ZDHHC13: variants seen among roughly 807,000 people sequenced by gnomAD.
ZDHHC13 encodes the protein palmitoyltransferase ZDHHC13.
ZDHHC13 carries 85 observed loss-of-function variants against 86.0 expected under a neutral mutation model. That is an observed-to-expected ratio of 0.99 (90% CI 0.83 to 1.18). The LOEUF (loss-of-function observed/expected upper bound fraction) is 1.18, where lower values mean the gene tolerates loss of function less well. ZDHHC13 is among the 50% of genes most tolerant of loss of function. ZDHHC13 has a pLI of 0.00. For missense variants in ZDHHC13, 711 were observed against 730.2 expected, an observed-to-expected ratio of 0.97 and a Z score of 0.30; for synonymous variants, 263 against 246.4, an observed-to-expected ratio of 1.07 and a Z score of -0.63.
intron 14 of ZDHHC13, chr11:19,169,071 T>C: frequency 1.0e-6 from 1 of 985,468 alleles, no homozygotes; most frequent in South Asian, 4.7e-5. Context: ...CTTGCTGTTG[T>C]ATCTTTGATA....
Position 19,176,180 on chromosome 11 carries a change from A to G in ZDHHC13, c.*220A>G, listed in dbSNP as rs996903013. Reference sequence around the variant, plus strand: ...AAATCTTGGCAGACATCTAAAAAAAAAACCATATTTTTCACAAGAAAATGC... The same window carrying G: ...AAATCTTGGCAGACATCTAAAAAAAGAACCATATTTTTCACAAGAAAATGC... On this transcript the variant is annotated 3_prime_UTR_variant, in exon 17 of 17. Transcript: ENST00000446113. The G allele has an allele frequency of 2.6e-6, 1 of 382,056 alleles. No individual in the cohort carries two copies. Among genetic ancestry groups the G allele is most frequent in the African/African-American group, 2.1e-5 (1 of 47,940 alleles). The allele number at this position is 382,056 out of a possible 1,614,324, so 23.7% of individuals were successfully genotyped here. A position where few individuals can be genotyped will look rare whatever the true frequency, so the allele number is the denominator to read the frequency against.
intron 1 of ZDHHC13, among the ~76,000 whole-genome samples, chr11:19,129,514 C>G (rs1848944163): frequency 6.6e-6 from 1 of 151,862 alleles, no homozygotes; most frequent in Admixed American, 6.6e-5. Context: ...ATGCTTTATT[C>G]TACTGTGATG....
rs1390911748 is a variant in ZDHHC13 at position 19,176,068 on chromosome 11, C to CA, written c.*109dup. ...GAATTCACCTAAGTCCAAAGGAAAA[C>CA]ACGTGGTTTTTAAAGCCATTAGGTA... is the stretch of plus-strand genomic sequence containing the variant. On this transcript the variant is annotated 3_prime_UTR_variant, in exon 17 of 17. Transcript: ENST00000446113. 7.7e-7 allele frequency: 1 copy of CA among 1,301,250 alleles called. No homozygotes were observed. The highest frequency in any genetic ancestry group is 2.7e-5 in the East Asian group (1 of 36,726). The allele number at this position is 1,301,250 out of a possible 1,614,324, so 80.6% of individuals were successfully genotyped here. A position where few individuals can be genotyped will look rare whatever the true frequency, so the allele number is the denominator to read the frequency against.
At chr11:19,133,974 A>G (rs1228340933) in intron 1 of ZDHHC13, among the ~76,000 whole-genome samples, 7 of 114,558 alleles carry the variant, frequency 6.1e-5, no homozygotes, top group Non-Finnish European at 3.9e-5. Flanking sequence ...TTCAGTCTTT[A>G]TAATAAATCA....
chr11:19,126,748 A>G (rs1428674685), intron 1 of ZDHHC13, among the ~76,000 whole-genome samples: 3 of 151,952 alleles, frequency 2.0e-5, no homozygotes, highest in Non-Finnish European at 4.4e-5. Context: ...CATAGGGGTA[A>G]TAGCCTCCAG....
At chr11:19,138,741 A>T (rs1849220654) in intron 1 of ZDHHC13, among the ~76,000 whole-genome samples, 1 of 151,874 alleles carries the variant, frequency 6.6e-6, no homozygotes, top group Non-Finnish European at 1.5e-5. Context: ...CATACCTGGG[A>T]TGCAAGGCTG....
intron 1 of ZDHHC13, among the ~76,000 whole-genome samples, chr11:19,137,820 A>G (rs1347661230): frequency 6.6e-6 from 1 of 152,268 alleles, no homozygotes; most frequent in Non-Finnish European, 1.5e-5. Context: ...TATTGGGTAC[A>G]TAACAAAATG....
At position 19,164,349 on chromosome 11, in the gene ZDHHC13, T is replaced by C. The variant is rs1590088810; in HGVS notation, c.1282T>C (p.Cys428Arg). 3 of 1,613,164 alleles carry C rather than the reference T, an allele frequency of 1.9e-6. No homozygotes were observed. The East Asian group carries it at 6.7e-5, about 36-fold the overall frequency. ...TGGCTCTCTGGACTTCAGAACATTT[T>C]GTACATCATGTCTTGTGAGTTTTTT... The part of the protein sequence containing the change: ...ETGSLDFRTF[C>R]TSCLIRKPLR... Residue 428 changes from cysteine to arginine, a missense_variant, in exon 12 of 17, where the codon TGT becomes CGT. Cys to Arg is a radical substitution (Grantham distance 180). Transcript: ENST00000446113.
chr11:19,165,044 C>A lies in ZDHHC13; in HGVS notation c.1297-8C>A, dbSNP rs761699006. On this transcript the variant is annotated splice_region_variant and splice_polypyrimidine_tract_variant and intron_variant, in intron 12 of 16. Coordinates refer to ENST00000446113, the MANE Select transcript of ZDHHC13 (RefSeq NM_019028.3). ...TTTTGCTTAGGCCTCTCTTAATTGC[C>A]CACTTAGATAAGGAAGCCATTAAGG... 5 of 1,610,600 alleles carry A rather than the reference C, an allele frequency of 3.1e-6. No homozygotes were observed. In the East Asian group the frequency reaches 1.1e-4, roughly 36 times the overall value.
chr11:19,149,280 A>G lies in ZDHHC13; in HGVS notation c.468A>G (p.Ala156=). The G allele has an allele frequency of 1.2e-6, 2 of 1,606,514 alleles. No homozygotes were observed. The highest frequency in any genetic ancestry group is 1.7e-6 in the Non-Finnish European group (2 of 1,175,676). ...AGGGATTCAGCAGCATCCACCTGGC[A>G]GTATTGTTTCAACACATGCCTATTA... ...DGEGFSSIHL[A]VLFQHMPIIA... is the part of the protein sequence containing the mutation. The change falls in exon 5 of 17, where the codon GCA becomes GCG. Residue 156 remains alanine (A), a synonymous_variant. Coordinates refer to ENST00000446113, the MANE Select transcript of ZDHHC13 (RefSeq NM_019028.3).
chr11:19,158,758 G>C (rs1487529391), intron 9 of ZDHHC13, among the ~76,000 whole-genome samples, 182 bp from the exon 10 acceptor site: 1 of 151,984 alleles, frequency 6.6e-6, no homozygotes, highest in Non-Finnish European at 1.5e-5. Context: ...GTGTAAAATG[G>C]GGGGATGATG....
At chr11:19,140,536 T>TA (rs1849283458) in intron 1 of ZDHHC13, among the ~76,000 whole-genome samples, 1 of 152,114 alleles carries the variant, frequency 6.6e-6, no homozygotes, top group African/African-American at 2.4e-5. Flanking sequence ...GAACTAGAAA[T>TA]ACCATTTGAC....
chr11:19,147,180 TC>T (rs1849488773), intron 3 of ZDHHC13, among the ~76,000 whole-genome samples: 1 of 152,188 alleles, frequency 6.6e-6, no homozygotes, highest in Admixed American at 6.5e-5. Flanking sequence ...TAAAATTCAT[TC>T]CCACATAGTA....
intron 1 of ZDHHC13, among the ~76,000 whole-genome samples, chr11:19,132,886 A>G (rs1474493818): frequency 6.6e-6 from 1 of 152,216 alleles, no homozygotes; most frequent in East Asian, 1.9e-4. Flanking sequence ...CAAGAAAGCA[A>G]GAGGTTAAGT....
chr11:19,154,825 T>C (rs1483936435), intron 8 of ZDHHC13, among the ~76,000 whole-genome samples: 1 of 152,178 alleles, frequency 6.6e-6, no homozygotes, highest in Non-Finnish European at 1.5e-5. Flanking sequence ...GTGACTTTGC[T>C]TTTTTCCCCT....
At chr11:19,121,334 A>G (rs1233910547) in intron 1 of ZDHHC13, among the ~76,000 whole-genome samples, 2 of 152,096 alleles carry the variant, frequency 1.3e-5, no homozygotes, top group Non-Finnish European at 2.9e-5. Context: ...AGTAGTCTGT[A>G]TTTTACTCTG....
rs114918431 is a variant in ZDHHC13, at chr11:19,123,453, C to T, written c.27+6177C>T. Among the ~76,000 whole-genome samples the T allele has an allele frequency of 1.1e-3, 172 of 151,998 alleles. 1 individual carries two copies. The highest frequency in any genetic ancestry group is 4.1e-3 in the African/African-American group (168 of 41,432). On this transcript the variant is annotated intron_variant, in intron 1 of 16. Coordinates refer to ENST00000446113, the MANE Select transcript of ZDHHC13 (RefSeq NM_019028.3). Reference sequence around the variant, plus strand: ...ACCAGTCTGGGCAACATAACGAGACCAGTCTGGGCAACATAACGAGACCTA... The same window carrying T: ...ACCAGTCTGGGCAACATAACGAGACTAGTCTGGGCAACATAACGAGACCTA...
intron 1 of ZDHHC13, among the ~76,000 whole-genome samples, chr11:19,139,946 T>C (rs1361426699): frequency 2.1e-5 from 3 of 145,806 alleles, no homozygotes; most frequent in African/African-American, 7.7e-5. Context: ...ACGTTAGACC[T>C]AAAACCATAA....
At chr11:19,170,375 C>CTTTTTT (rs55637113) in intron 14 of ZDHHC13, 36 bp from the exon 15 acceptor site, 308 of 1,234,796 alleles carry the variant, frequency 2.5e-4, no homozygotes, top group South Asian at 9.8e-4. Flanking sequence ...AGTTTATTGC[C>CTTTTTT]TTTTTTTTTT....
Sources: gnomAD v4.1 joint callset for allele counts (sites outside exome capture counted in the v4.1 genomes callset) on GRCh38, gnomAD v4.1.1 for gene constraint, MANE v1.5 for transcripts, NCBI Gene and HGNC (gene_info 2026-07-23, HGNC 2026-07-21) for gene names.